The following RALGPS1 variants were observed in gnomAD, a reference collection of about 807,000 sequenced individuals.
RALGPS1 encodes Ral GEF with PH domain and SH3 binding motif 1, also known as ras-specific guanine nucleotide-releasing factor RalGPS1.
Under a neutral mutation model 78.8 loss-of-function variants are expected in RALGPS1, and 19 were observed. That is an observed-to-expected ratio of 0.24 (90% CI 0.17 to 0.35). The LOEUF (loss-of-function observed/expected upper bound fraction) is 0.35, where lower values mean the gene tolerates loss of function less well. Ranked by LOEUF, RALGPS1 falls within the 10% of genes least tolerant of loss-of-function variation. RALGPS1 has a pLI of 1.00. For missense variants in RALGPS1, 454 were observed against 688.3 expected (o/e 0.66, Z 3.81); for synonymous variants, 228 against 256.3 (o/e 0.89, Z 1.06).
At chr9:127,086,067 G>C (rs1245546566) in intron 8 of RALGPS1, among the ~76,000 whole-genome samples, 1 of 152,076 alleles carries the variant, frequency 6.6e-6, no homozygotes, top group Non-Finnish European at 1.5e-5. Context: ...TGAGAATAAT[G>C]ATCCCTCCTT....
chr9:127,008,096 A>G (rs1198061179), intron 4 of RALGPS1, among the ~76,000 whole-genome samples: 13 of 151,274 alleles, frequency 8.6e-5, no homozygotes, highest in Admixed American at 8.5e-4. Flanking sequence ...GGAGGAGTCA[A>G]GGATATCTCC....
intron 11 of RALGPS1, among the ~76,000 whole-genome samples, chr9:127,187,145 G>A (rs1394337369): frequency 6.6e-6 from 1 of 152,190 alleles, no homozygotes; most frequent in East Asian, 1.9e-4. Flanking sequence ...TAACCTCATA[G>A]GAGTCAAGGA....
chr9:127,150,201 C>T (rs1005464512), intron 8 of RALGPS1, among the ~76,000 whole-genome samples: 2 of 152,206 alleles, frequency 1.3e-5, no homozygotes, highest in Non-Finnish European at 2.9e-5. Flanking sequence ...TCCCAGCATT[C>T]TTTTGCCTGC....
intron 4 of RALGPS1, among the ~76,000 whole-genome samples, chr9:127,014,346 C>T (rs2044622838): frequency 1.3e-5 from 2 of 152,192 alleles, no homozygotes; most frequent in South Asian, 4.2e-4. Context: ...TCCTCTTGGT[C>T]TGTGTGCACA....
chr9:127,014,063 C>T (rs978739071), intron 4 of RALGPS1, among the ~76,000 whole-genome samples: 1 of 152,202 alleles, frequency 6.6e-6, no homozygotes, highest in Admixed American at 6.5e-5. Context: ...AGAGGAGGCA[C>T]TCCGTGAAGA....
At chr9:127,171,277 G>A (rs1449907556) in intron 10 of RALGPS1, among the ~76,000 whole-genome samples, 2 of 152,116 alleles carry the variant, frequency 1.3e-5, no homozygotes, top group Non-Finnish European at 2.9e-5. Flanking sequence ...TAGATGGATG[G>A]ATAGAAGGAT....
chr9:127,073,684 G>T (rs964097289), intron 8 of RALGPS1, among the ~76,000 whole-genome samples: 1 of 152,000 alleles, frequency 6.6e-6, no homozygotes, highest in South Asian at 2.1e-4. Flanking sequence ...ACTGTTTTCT[G>T]CAGTGGCTGT....
intron 4 of RALGPS1, among the ~76,000 whole-genome samples, chr9:127,029,278 C>G (rs903125095): frequency 1.3e-5 from 2 of 152,178 alleles, no homozygotes; most frequent in African/African-American, 4.8e-5. Flanking sequence ...CAGACCCACT[C>G]TGGTCAGGTC....
chr9:127,195,314 C>A, intron 12 of RALGPS1, 97 bp downstream of exon 12: 1 of 1,484,688 alleles, frequency 6.7e-7, no homozygotes, highest in Non-Finnish European at 9.1e-7. Flanking sequence ...GGGTCCCTCC[C>A]CTGCCCTGTT....
Position 127,041,074 on chromosome 9 carries a change from A to G in RALGPS1, c.300+6560A>G, listed in dbSNP as rs561478187. Among the ~76,000 whole-genome samples, 5 of 40,526 alleles carry G rather than the reference A, an allele frequency of 1.2e-4. No homozygotes were observed. The East Asian group carries it at 7.9e-3, about 64-fold the overall frequency. The allele number at this position is 40,526 out of a possible 152,430, so 26.6% of individuals were successfully genotyped here. On this transcript the variant is annotated intron_variant, in intron 5 of 18. Coordinates refer to ENST00000259351, the MANE Select transcript of RALGPS1 (RefSeq NM_014636.3). ...GTGTGTGTGTGTGTGTGTATGTACT[A>G]AAGTTTTCTTTCTTTCTTTCTTTTT...
chr9:127,026,865 C>T (rs1368878639), intron 4 of RALGPS1, among the ~76,000 whole-genome samples: 7 of 152,172 alleles, frequency 4.6e-5, no homozygotes, highest in East Asian at 3.9e-4. Flanking sequence ...GTCAGCAAAA[C>T]GAGGCGACCT....
intron 1 of RALGPS1, among the ~76,000 whole-genome samples, chr9:126,947,570 G>A (rs1386267574): frequency 6.6e-6 from 1 of 152,208 alleles, no homozygotes; most frequent in Non-Finnish European, 1.5e-5. Flanking sequence ...CCCAGAGGAG[G>A]AAAGTGGATG....
At chr9:127,130,579 G>C (rs1048005809) in intron 8 of RALGPS1, among the ~76,000 whole-genome samples, 2 of 152,188 alleles carry the variant, frequency 1.3e-5, no homozygotes, top group Non-Finnish European at 2.9e-5. Flanking sequence ...TATGAAGTCT[G>C]CTTAACCAAA....
chr9:126,995,486 C>T (rs1158575770), intron 4 of RALGPS1, among the ~76,000 whole-genome samples: 1 of 152,146 alleles, frequency 6.6e-6, no homozygotes, highest in African/African-American at 2.4e-5. Flanking sequence ...GCTAACTATC[C>T]TAAATATATA....
chr9:126,946,996 G>A (rs937283472), intron 1 of RALGPS1, among the ~76,000 whole-genome samples: 2 of 152,110 alleles, frequency 1.3e-5, no homozygotes, highest in African/African-American at 2.4e-5. Flanking sequence ...AGATGGGGAC[G>A]CTCTAGCCAG....
intron 5 of RALGPS1, among the ~76,000 whole-genome samples, chr9:127,046,085 C>G (rs1028743832): frequency 2.0e-5 from 3 of 152,120 alleles, no homozygotes; most frequent in Admixed American, 6.5e-5. Flanking sequence ...AAAGAACTCT[C>G]AAAGGCCAAA....
chr9:126,999,344 T>C (rs565377506), intron 4 of RALGPS1, among the ~76,000 whole-genome samples: 1 of 152,226 alleles, frequency 6.6e-6, no homozygotes, highest in African/African-American at 2.4e-5. Flanking sequence ...TCACCCAAAG[T>C]CCATAGTTTT....
intron 10 of RALGPS1, among the ~76,000 whole-genome samples, chr9:127,170,759 CCTT>C (rs1373676373): frequency 1.3e-5 from 2 of 152,226 alleles, no homozygotes; most frequent in African/African-American, 4.8e-5. Flanking sequence ...AGTAATTACT[CCTT>C]CTACTTTGAA....
chr9:126,921,980 T>G (rs559006049), intron 1 of RALGPS1, among the ~76,000 whole-genome samples: 30 of 152,304 alleles, frequency 2.0e-4, no homozygotes, highest in African/African-American at 7.0e-4. Flanking sequence ...ACACATGTAC[T>G]TGGTGATGGG....
Sources: allele counts gnomAD v4.1 joint callset (sites outside exome capture counted in the v4.1 genomes callset), GRCh38; gene constraint gnomAD v4.1.1; transcripts MANE v1.5; gene names NCBI Gene and HGNC (gene_info 2026-07-23, HGNC 2026-07-21).